Variants in POLR2F observed in about 807,000 individuals in gnomAD.
The protein encoded by POLR2F is DNA-directed RNA polymerases I, II, and III subunit RPABC2.
POLR2F carries 12 observed loss-of-function variants against 22.7 expected under a neutral mutation model. The observed-to-expected ratio is 0.53, with a 90% CI of 0.34 to 0.86. POLR2F has a LOEUF of 0.86. Ranked by LOEUF, POLR2F falls within the 40% of genes least tolerant of loss-of-function variation. The pLI, the probability that POLR2F is intolerant of heterozygous loss-of-function variation, is 0.02. For missense variants in POLR2F, 126 were observed against 171.5 expected (o/e 0.73, Z 1.48); for synonymous variants, 57 against 66.0 (o/e 0.86, Z 0.66).
upstream of POLR2F, among the ~76,000 whole-genome samples, chr22:37,982,475 T>C (rs1448733939): frequency 6.6e-6 from 1 of 152,056 alleles, no homozygotes; most frequent in South Asian, 2.1e-4. Flanking sequence ...GGTGGGATAA[T>C]TGCTCCCTGC....
At chr22:38,012,755 A>G (rs140774273) in intron 1 of POLR2F, among the ~76,000 whole-genome samples, 128 of 152,208 alleles carry the variant, frequency 8.4e-4, no homozygotes, top group Middle Eastern at 6.8e-3. Flanking sequence ...GGCATTTTGT[A>G]CCATGTCCCT....
Position 37,956,782 on chromosome 22 carries a change from C to T in POLR2F, c.30C>T (p.Gly10=), listed in dbSNP as rs75033328. 8.3e-4 allele frequency: 1,333 copies of T among 1,613,564 alleles called. 14 individuals carry two copies. In the African/African-American group the frequency reaches 0.015, roughly 18 times the overall value. The change falls in exon 2 of 5, where the codon GGC becomes GGT. Residue 10 remains glycine, a synonymous_variant. Coordinates refer to ENST00000442738, the MANE Select transcript of POLR2F (RefSeq NM_021974.5). MSDNEDNFD[G]DDFDDVEEDE... is the part of the protein sequence containing the mutation. ...TCTTCTTCCTGTACAGTTTTGATGG[C>T]GACGACTTTGATGATGTGGAGGAGG...
Position 37,968,769 on chromosome 22 carries a change from C to T in POLR2F, c.*1054C>T, listed in dbSNP as rs867107073. 1 of 985,442 alleles carries T rather than the reference C, an allele frequency of 1.0e-6. No individual in the cohort carries two copies. The highest frequency in any genetic ancestry group is 1.2e-6 in the Non-Finnish European group (1 of 829,934). 61.0% of individuals were successfully genotyped at this position (985,442 alleles called of 1,614,324 possible). On this transcript the variant is annotated 3_prime_UTR_variant, in exon 5 of 5. Coordinates refer to ENST00000442738, the MANE Select transcript of POLR2F (RefSeq NM_021974.5). ...TCCCCTTCAAAGAGGAGGAGCTGGG[C>T]TTCCCTAACCTCTGCAGGAGGCAGG...
intron 1 of POLR2F, among the ~76,000 whole-genome samples, chr22:38,022,194 T>C (rs1601912465): frequency 6.6e-6 from 1 of 151,980 alleles, no homozygotes; most frequent in East Asian, 1.9e-4. Flanking sequence ...CATTTGAGTA[T>C]TGAAGCCATT....
chr22:38,012,240 C>T (rs959331072), intron 1 of POLR2F, among the ~76,000 whole-genome samples: 39 of 152,196 alleles, frequency 2.6e-4, no homozygotes, highest in African/African-American at 8.9e-4. Flanking sequence ...CACCACCATG[C>T]CCAGCTAATT....
chr22:37,999,686 C>T (rs1471121547), intron 1 of POLR2F, among the ~76,000 whole-genome samples: 1 of 152,104 alleles, frequency 6.6e-6, no homozygotes, highest in African/African-American at 2.4e-5. Flanking sequence ...GGCTTTGGGG[C>T]AGTCAGAGCA....
At chr22:38,030,667 G>A (rs1282530058), downstream of POLR2F, among the ~76,000 whole-genome samples, 1 of 152,208 alleles carries the variant, frequency 6.6e-6, no homozygotes, top group Admixed American at 6.5e-5. Flanking sequence ...GTGGGTCTGA[G>A]ACTTAGCTCA....
At chr22:38,029,731 C>A (rs1204493919), downstream of POLR2F, among the ~76,000 whole-genome samples, 1 of 152,186 alleles carries the variant, frequency 6.6e-6, no homozygotes. Context: ...TGCAAGCAAG[C>A]TAGGGAAGGC....
chr22:37,987,236 C>G (rs1485483962), intron 1 of POLR2F: 1 of 456,596 alleles, frequency 2.2e-6, no homozygotes, highest in African/African-American at 2.0e-5. Flanking sequence ...CCCAAGGAGG[C>G]CTTTCCGGAG....
rs535144657 is a variant in POLR2F at position 38,006,432 on chromosome 22, C to T, written c.121-19437C>T. ...CACCCAGCCCATAGCAAGGGCCACC[C>T]TCCAGCCGCTCACTCAGCAAATATT... On this transcript the variant is annotated intron_variant, in intron 1 of 2. Coordinates refer to the POLR2F transcript ENST00000333418. 1.3e-3 allele frequency among the ~76,000 whole-genome samples: 204 copies of T among 152,272 alleles called. 1 individual carries two copies. The highest frequency in any genetic ancestry group is 1.9e-3 in the Non-Finnish European group (132 of 68,028).
In POLR2F at chr22:37,997,019, G is replaced by T. The variant is rs1434578944; in HGVS notation, c.120+10707G>T. ...ACTCGGGAAGGCAAGGGCTGCAGTG[G>T]CTGGCTGCATCCTCTGGGGTGCCAG... On this transcript the variant is annotated intron_variant, in intron 1 of 2. Coordinates refer to the POLR2F transcript ENST00000333418. This position sits in a 1 kb window ranked among gnomAD's most constrained non-coding sequence, Gnocchi z 4.4. Among the ~76,000 whole-genome samples the T allele has an allele frequency of 2.0e-5, 3 of 152,094 alleles. No homozygotes were observed. Among genetic ancestry groups the T allele is most frequent in the African/African-American group, 7.2e-5 (3 of 41,412 alleles).
upstream of POLR2F, among the ~76,000 whole-genome samples, chr22:37,982,785 C>T (rs867031573): frequency 2.6e-5 from 4 of 152,084 alleles, no homozygotes; most frequent in Admixed American, 6.5e-5. Flanking sequence ...AGGAGGGTGG[C>T]GTCAGAAAGT....
At chr22:38,019,751 G>A (rs1460465251) in intron 1 of POLR2F, among the ~76,000 whole-genome samples, 1 of 152,218 alleles carries the variant, frequency 6.6e-6, no homozygotes, top group African/African-American at 2.4e-5. Flanking sequence ...GGTGGCTTAC[G>A]CCTGTACTCT....
downstream of POLR2F, among the ~76,000 whole-genome samples, chr22:38,028,911 G>A (rs1305252292): frequency 1.3e-5 from 2 of 152,230 alleles, no homozygotes; most frequent in Non-Finnish European, 2.9e-5. Flanking sequence ...GCAAGCCCCG[G>A]CCACTCCATC....
intron 1 of POLR2F, among the ~76,000 whole-genome samples, chr22:38,022,981 A>G (rs1261783781): frequency 6.6e-6 from 1 of 152,258 alleles, no homozygotes; most frequent in Non-Finnish European, 1.5e-5. Flanking sequence ...ATTGCACTCC[A>G]GCCTGGGCGA....
intron 3 of POLR2F, among the ~76,000 whole-genome samples, chr22:37,959,717 TA>T (rs139867): frequency 0.66 from 92,652 of 141,214 alleles, 29,259 homozygotes; most frequent in East Asian, 0.76. Context: ...AGAAAAACGA[TA>T]AAAAAAAAAA....
upstream of POLR2F, chr22:37,986,108 G>T (rs1185020230): frequency 2.0e-6 from 3 of 1,472,470 alleles, no homozygotes; most frequent in African/African-American, 4.2e-5. This position sits in a 1 kb window ranked among gnomAD's most constrained non-coding sequence, Gnocchi z 4.7. Context: ...CAGGTGAACG[G>T]CAATCATGTG....
At chr22:37,991,310 G>A (rs1481121537) in intron 1 of POLR2F, among the ~76,000 whole-genome samples, 1 of 152,058 alleles carries the variant, frequency 6.6e-6, no homozygotes, top group African/African-American at 2.4e-5. Flanking sequence ...GTAGAGACGG[G>A]GTTTCACCAT....
At position 37,968,955 on chromosome 22, in the gene POLR2F, C is replaced by A; in HGVS notation, c.*1240C>A. ...CCACCCTCCTCCAAGCCTGTGGAAT[C>A]CTTTAATCAAGTTGGGTGCTGAAAT... On this transcript the variant is annotated 3_prime_UTR_variant, in exon 5 of 5. Transcript: ENST00000442738. 1.0e-6 allele frequency: 1 copy of A among 985,498 alleles called. No individual in the cohort carries two copies. The highest frequency in any genetic ancestry group is 5.2e-4 in the Middle Eastern group (1 of 1,914). 61.0% of individuals were successfully genotyped at this position (985,498 alleles called of 1,614,324 possible).
Sources: gnomAD v4.1 joint callset for allele counts (sites outside exome capture counted in the v4.1 genomes callset) on GRCh38, gnomAD v4.1.1 for gene constraint, Gnocchi (gnomAD v3.1) non-coding constraint, MANE v1.5 for transcripts, NCBI Gene and HGNC (gene_info 2026-07-23, HGNC 2026-07-21) for gene names.